PDE11A: variants seen among roughly 807,000 people sequenced by gnomAD.
PDE11A encodes the protein phosphodiesterase 11A.
Under a neutral mutation model 100.5 loss-of-function variants are expected in PDE11A, and 100 were observed. The observed-to-expected ratio is 1.00, with a 90% CI of 0.85 to 1.18. PDE11A has a LOEUF of 1.18. Ranked by LOEUF, PDE11A falls within the 50% of genes most tolerant of loss-of-function variation. The pLI is 0.00. For synonymous variants in PDE11A, 381 were observed against 420.8 expected (o/e 0.91, Z 1.16); for missense variants, 1,141 against 1,152.6 (o/e 0.99, Z 0.15).
intron 2 of PDE11A, among the ~76,000 whole-genome samples, chr2:177,987,844 T>C (rs2085958330): frequency 6.6e-6 from 1 of 152,246 alleles, no homozygotes; most frequent in East Asian, 1.9e-4. Flanking sequence ...ATTCTTTTAT[T>C]AGCTTTTCAA....
intron 2 of PDE11A, among the ~76,000 whole-genome samples, chr2:177,906,774 G>A (rs1042589139): frequency 6.6e-6 from 1 of 152,106 alleles, no homozygotes; most frequent in African/African-American, 2.4e-5. Flanking sequence ...TTGGCATAAA[G>A]CTGCCAGATA....
intron 4 of PDE11A, among the ~76,000 whole-genome samples, chr2:177,897,028 T>G (rs1172339751): frequency 6.6e-6 from 1 of 152,192 alleles, no homozygotes; most frequent in Non-Finnish European, 1.5e-5. Context: ...AGTCTTACAA[T>G]ACTTATTAAA....
intron 2 of PDE11A, among the ~76,000 whole-genome samples, chr2:177,962,129 G>T (rs1222364431): frequency 1.3e-5 from 2 of 149,394 alleles, no homozygotes; most frequent in African/African-American, 4.9e-5. Context: ...ATCTCAGTTT[G>T]GGAAATGCTA....
intron 6 of PDE11A, among the ~76,000 whole-genome samples, chr2:177,835,923 G>A (rs1475059280): frequency 2.0e-5 from 3 of 152,186 alleles, no homozygotes; most frequent in East Asian, 1.9e-4. Context: ...GGCAGAGCTC[G>A]GGACCTGCAG....
At chr2:177,925,122 T>G (rs940770171) in intron 2 of PDE11A, among the ~76,000 whole-genome samples, 2 of 150,578 alleles carry the variant, frequency 1.3e-5, no homozygotes, top group Admixed American at 6.6e-5. Flanking sequence ...CTTAATCCAG[T>G]CTATCATTGT....
At chr2:177,734,494 G>A (rs867821834) in intron 10 of PDE11A, among the ~76,000 whole-genome samples, 1 of 152,032 alleles carries the variant, frequency 6.6e-6, no homozygotes, top group African/African-American at 2.4e-5. Context: ...GTAACACAGC[G>A]AAACCCCATC....
intron 2 of PDE11A, among the ~76,000 whole-genome samples, chr2:177,994,177 C>T (rs911489393): frequency 4.6e-5 from 7 of 152,034 alleles, no homozygotes; most frequent in Non-Finnish European, 1.0e-4. Context: ...GTGATCCATC[C>T]GCCTCTGCCT....
At chr2:177,759,271 A>G (rs2082138491) in intron 10 of PDE11A, among the ~76,000 whole-genome samples, 1 of 152,118 alleles carries the variant, frequency 6.6e-6, no homozygotes, top group African/African-American at 2.4e-5. Context: ...AATCTTTAAA[A>G]TTTACCTTGA....
At chr2:177,690,745 T>G (rs2081030089) in intron 15 of PDE11A, among the ~76,000 whole-genome samples, 1 of 152,098 alleles carries the variant, frequency 6.6e-6, no homozygotes, top group Non-Finnish European at 1.5e-5. Context: ...TGAAGATAAG[T>G]CTGATTAATT....
chr2:177,989,138 T>G (rs1424902169), intron 2 of PDE11A, among the ~76,000 whole-genome samples: 1 of 152,226 alleles, frequency 6.6e-6, no homozygotes, highest in Non-Finnish European at 1.5e-5. Context: ...TGGCCTTCAA[T>G]ACTGTCATAC....
intron 1 of PDE11A, among the ~76,000 whole-genome samples, chr2:178,029,050 C>G (rs2086513486): frequency 6.6e-6 from 1 of 152,174 alleles, no homozygotes; most frequent in South Asian, 2.1e-4. Context: ...AGTCCCTCTG[C>G]CTTACTTAAG....
intron 5 of PDE11A, among the ~76,000 whole-genome samples, chr2:177,847,936 A>G (rs2083629573): frequency 6.6e-6 from 1 of 152,186 alleles, no homozygotes; most frequent in South Asian, 2.1e-4. Flanking sequence ...GCAAAAAGAC[A>G]AAGACCCTTA....
intron 5 of PDE11A, among the ~76,000 whole-genome samples, chr2:177,849,121 C>T (rs1308045592): frequency 6.6e-6 from 1 of 152,102 alleles, no homozygotes; most frequent in African/African-American, 2.4e-5. Flanking sequence ...TTGCATTAAG[C>T]GAACAATAAG....
In PDE11A at chr2:177,628,077, G is replaced by C. The variant is rs544653099; in HGVS notation, c.*1330C>G. 1 of 152,184 alleles carries C rather than the reference G, an allele frequency of 6.6e-6. No homozygotes were observed. The highest frequency in any genetic ancestry group is 1.5e-5 in the Non-Finnish European group (1 of 68,006). 9.4% of individuals were successfully genotyped at this position (152,184 alleles called of 1,614,324 possible). A position where few individuals can be genotyped will look rare whatever the true frequency, so the allele number is the denominator to read the frequency against. On this transcript the variant is annotated 3_prime_UTR_variant, in exon 20 of 20. Coordinates refer to ENST00000286063, the MANE Select transcript of PDE11A (RefSeq NM_016953.4). ...TCACATAGGAATTCAGCTTTTTGAC[G>C]TTTTATATGTTGGGGATTCATTGAA...
chr2:177,735,967 C>T lies in PDE11A; in HGVS notation c.1789-7795G>A, dbSNP rs529490798. On this transcript the variant is annotated intron_variant, in intron 10 of 19. Transcript: ENST00000286063. Reference sequence around the variant, plus strand: ...AGGTGGCAAATGTTTGGGCCGTTTTCGTATGGGAAAGCAATTGTCAGTGTT... The same window carrying T: ...AGGTGGCAAATGTTTGGGCCGTTTTTGTATGGGAAAGCAATTGTCAGTGTT... 5.4e-4 allele frequency among the ~76,000 whole-genome samples: 82 copies of T among 152,328 alleles called. 2 individuals are homozygous for T. Among genetic ancestry groups the T allele is most frequent in the Middle Eastern group, 3.4e-3 (1 of 294 alleles).
intron 1 of PDE11A, among the ~76,000 whole-genome samples, chr2:178,028,819 C>A (rs2086510168): frequency 6.6e-6 from 1 of 152,130 alleles, no homozygotes; most frequent in Non-Finnish European, 1.5e-5. Context: ...AATAACAGGG[C>A]CAGGAACCAT....
chr2:177,634,390 C>CT lies in PDE11A; in HGVS notation c.2647-4829dup, dbSNP rs776055378. 7.4e-3 allele frequency among the ~76,000 whole-genome samples: 1,085 copies of CT among 146,400 alleles called. 11 individuals carry two copies. Among genetic ancestry groups the CT allele is most frequent in the East Asian group, 0.03 (149 of 5,022 alleles). On this transcript the variant is annotated intron_variant, in intron 19 of 19. Coordinates refer to ENST00000286063, the MANE Select transcript of PDE11A (RefSeq NM_016953.4). The stretch of plus-strand genomic sequence containing the variant: ...TTGAAAACTTACTTTTTCTCTCTCT[C>CT]TTTTTTTTTTTTTTGTGAGAAGGAG...
At chr2:177,670,977 C>A (rs1378550234) in intron 17 of PDE11A, among the ~76,000 whole-genome samples, 4 of 152,160 alleles carry the variant, frequency 2.6e-5, no homozygotes, top group Non-Finnish European at 5.9e-5. Flanking sequence ...TGTCTCCTCT[C>A]CAGTCTCTCC....
chr2:177,938,151 AG>A, intron 2 of PDE11A, among the ~76,000 whole-genome samples: 1 of 152,300 alleles, frequency 6.6e-6, no homozygotes, highest in South Asian at 2.1e-4. Flanking sequence ...GAAGAGTGCT[AG>A]CAGCTGGGTT....
Sources: gnomAD v4.1 joint callset for allele counts (sites outside exome capture counted in the v4.1 genomes callset) on GRCh38, gnomAD v4.1.1 for gene constraint, MANE v1.5 for transcripts, NCBI Gene and HGNC (gene_info 2026-07-23, HGNC 2026-07-21) for gene names.